The following R3HDM1 variants were observed in gnomAD, a reference collection of about 807,000 sequenced individuals.
The protein encoded by R3HDM1 is R3H domain containing 1.
R3HDM1 carries 46 observed loss-of-function variants against 141.1 expected under a neutral mutation model. The observed-to-expected ratio is 0.33, with a 90% CI of 0.26 to 0.42. R3HDM1 has a LOEUF of 0.42. Among genes scored for constraint, R3HDM1 ranks in the 10% least tolerant of loss-of-function variants. The pLI is 1.00. For missense variants in R3HDM1, 1,184 were observed against 1,368.3 expected, an observed-to-expected ratio of 0.87 and a Z score of 2.12; for synonymous variants, 435 against 472.9, an observed-to-expected ratio of 0.92 and a Z score of 1.04.
At position 135,675,670 on chromosome 2, in the gene R3HDM1, G is replaced by T. The variant is rs560908500; in HGVS notation, c.2307+184G>T. 2.2e-4 allele frequency among the ~76,000 whole-genome samples: 34 copies of T among 152,124 alleles called. No homozygotes were observed. In the South Asian group the frequency reaches 7.0e-3, roughly 32 times the overall value. ...TTTATAGTCAAGAGTTTTATTAGTC[G>T]TAGAAGCTTGGTTTTATCCTCATTT... is the stretch of plus-strand genomic sequence containing the variant. On this transcript the variant is annotated intron_variant, in intron 20 of 26. Coordinates refer to ENST00000683871, the MANE Select transcript of R3HDM1 (RefSeq NM_001378107.1).
chr2:135,592,140 G>T (rs188164592), intron 1 of R3HDM1, among the ~76,000 whole-genome samples: 16 of 152,196 alleles, frequency 1.1e-4, no homozygotes, highest in Admixed American at 7.9e-4. Flanking sequence ...AACATGTTTA[G>T]TCTTTCCAGC....
chr2:135,547,823 G>C lies in R3HDM1; in HGVS notation c.-250+16190G>C, dbSNP rs568574051. 3.6e-5 allele frequency among the ~76,000 whole-genome samples: 5 copies of C among 139,024 alleles called. No individual in the cohort carries two copies. The East Asian group carries it at 6.5e-4, about 18-fold the overall frequency. 91.2% of individuals were successfully genotyped at this position (139,024 alleles called of 152,430 possible). Reference sequence around the variant, plus strand: ...GAGTCTTGCTCTGTCGCCCAGGCTAGAGTGCAGTGGCACGATCTCGGCTCA... The same window carrying C: ...GAGTCTTGCTCTGTCGCCCAGGCTACAGTGCAGTGGCACGATCTCGGCTCA... On this transcript the variant is annotated intron_variant, in intron 1 of 26. Coordinates refer to ENST00000683871, the MANE Select transcript of R3HDM1 (RefSeq NM_001378107.1).
At chr2:135,536,258 T>C (rs921741506) in intron 1 of R3HDM1, among the ~76,000 whole-genome samples, 3 of 152,200 alleles carry the variant, frequency 2.0e-5, no homozygotes, top group African/African-American at 4.8e-5. Context: ...TCCCATCTTA[T>C]GCTCCCAAGT....
At chr2:135,705,391 T>C (rs1487606907) in intron 21 of R3HDM1, among the ~76,000 whole-genome samples, 1 of 152,160 alleles carries the variant, frequency 6.6e-6, no homozygotes, top group Non-Finnish European at 1.5e-5. Context: ...TTGCCCTAGG[T>C]CAGGTATTAA....
At chr2:135,543,239 T>A (rs1697999752) in intron 1 of R3HDM1, 1 of 282,830 alleles carries the variant, frequency 3.5e-6, no homozygotes, top group East Asian at 1.8e-4. Context: ...CTTTCCCCCA[T>A]TGAATTGTCT....
chr2:135,676,525 C>T (rs2069199386), intron 20 of R3HDM1, among the ~76,000 whole-genome samples: 1 of 152,022 alleles, frequency 6.6e-6, no homozygotes. Context: ...GAACTCCAGG[C>T]CAGGGCCAGG....
chr2:135,536,953 T>A (rs1696264656), intron 1 of R3HDM1, among the ~76,000 whole-genome samples: 1 of 152,002 alleles, frequency 6.6e-6, no homozygotes, highest in Non-Finnish European at 1.5e-5. Context: ...TAGAACAGTT[T>A]CATCCCATAA....
chr2:135,633,577 A>T (rs2105223410), intron 9 of R3HDM1: 1 of 150,384 alleles, frequency 6.6e-6, no homozygotes, highest in Admixed American at 6.7e-5. Flanking sequence ...CAAATCATTC[A>T]AGTTACACTG....
chr2:135,675,583 G>C, intron 20 of R3HDM1, 97 bp downstream of exon 20: 8 of 1,237,570 alleles, frequency 6.5e-6, no homozygotes, highest in Non-Finnish European at 8.8e-6. Context: ...TTTAATACAG[G>C]AAAAACATTT....
At chr2:135,551,200 A>C (rs116552649) in intron 1 of R3HDM1, among the ~76,000 whole-genome samples, 2 of 152,338 alleles carry the variant, frequency 1.3e-5, no homozygotes, top group Non-Finnish European at 2.9e-5. Context: ...TAGCCAATGC[A>C]TGGCAGTAGG....
intron 21 of R3HDM1, among the ~76,000 whole-genome samples, chr2:135,707,336 G>GT (rs2105430167): frequency 6.6e-6 from 1 of 152,292 alleles, no homozygotes; most frequent in African/African-American, 2.4e-5. Context: ...TTTCTAAAGT[G>GT]TTTAAGTGAT....
intron 2 of R3HDM1, 69 bp from the exon 3 acceptor site, chr2:135,604,737 A>AC: frequency 8.7e-7 from 1 of 1,153,960 alleles, no homozygotes; most frequent in Admixed American, 1.9e-5. Flanking sequence ...CATAACAGAC[A>AC]GTAGGTCAGT....
intron 18 of R3HDM1, among the ~76,000 whole-genome samples, chr2:135,659,825 T>G (rs943141001): frequency 6.6e-6 from 1 of 152,216 alleles, no homozygotes; most frequent in Non-Finnish European, 1.5e-5. Flanking sequence ...CCAAGTCTTA[T>G]TTATATACTG....
At chr2:135,683,027 T>A (rs2105360060) in intron 21 of R3HDM1, among the ~76,000 whole-genome samples, 1 of 152,000 alleles carries the variant, frequency 6.6e-6, no homozygotes, top group East Asian at 1.9e-4. Context: ...GTCTTTGGAA[T>A]TACCCGCAGC....
intron 18 of R3HDM1, among the ~76,000 whole-genome samples, chr2:135,653,442 A>T (rs1332662160): frequency 6.6e-6 from 1 of 151,524 alleles, no homozygotes; most frequent in African/African-American, 2.4e-5. Context: ...TTAATGCTAT[A>T]AATTTCTTTT....
At position 135,531,514 on chromosome 2, in the gene R3HDM1, G is replaced by A. The variant is rs1418588893; in HGVS notation, c.-369G>A. On this transcript the variant is annotated 5_prime_UTR_variant, in exon 1 of 27. Transcript: ENST00000683871. ...GCCAGCCGCGGCTGCCGCTGGAGCC[G>A]GTGTCCGGGCTGGTGATGGGGTTAA... 2.0e-6 allele frequency: 2 copies of A among 985,804 alleles called. No homozygotes were observed. The highest frequency in any genetic ancestry group is 2.4e-6 in the Non-Finnish European group (2 of 829,976). The allele number at this position is 985,804 out of a possible 1,614,324, so 61.1% of individuals were successfully genotyped here.
intron 5 of R3HDM1, among the ~76,000 whole-genome samples, chr2:135,621,169 G>A (rs543116815): frequency 1.8e-4 from 27 of 152,072 alleles, no homozygotes; most frequent in Non-Finnish European, 3.4e-4. Flanking sequence ...GCAAAAATAA[G>A]TTAAGAAGAC....
chr2:135,581,471 G>A, intron 1 of R3HDM1: 1 of 869,654 alleles, frequency 1.1e-6, no homozygotes, highest in Non-Finnish European at 1.4e-6. Flanking sequence ...ACTGTTGATT[G>A]ACCTCACCTG....
intron 21 of R3HDM1, among the ~76,000 whole-genome samples, chr2:135,704,267 G>A (rs138696931): frequency 7.1e-4 from 107 of 151,198 alleles, no homozygotes; most frequent in African/African-American, 2.4e-3. Context: ...GGCATGAGCC[G>A]CCACACCCGG....
Sources: gnomAD v4.1 joint callset for allele counts (sites outside exome capture counted in the v4.1 genomes callset) on GRCh38, gnomAD v4.1.1 for gene constraint, MANE v1.5 for transcripts, NCBI Gene and HGNC (gene_info 2026-07-23, HGNC 2026-07-21) for gene names.